The following DRG1 variants were observed in gnomAD, a reference collection of about 807,000 sequenced individuals.
DRG1 encodes the protein developmentally regulated GTP binding protein 1.
A neutral mutation model predicts 38.8 loss-of-function variants in DRG1; 19 were observed. That is an observed-to-expected ratio of 0.49 (90% CI 0.34 to 0.72). DRG1 has a LOEUF of 0.72. Ranked by LOEUF, DRG1 falls within the 30% of genes least tolerant of loss-of-function variation. The pLI is 0.01. For missense variants in DRG1, 299 were observed against 444.8 expected, an observed-to-expected ratio of 0.67 and a Z score of 2.95; for synonymous variants, 167 against 157.5, an observed-to-expected ratio of 1.06 and a Z score of -0.45.
chr22:31,404,248 CTTT>C (rs535637820), intron 3 of DRG1, among the ~76,000 whole-genome samples: 3 of 138,220 alleles, frequency 2.2e-5, no homozygotes, highest in Non-Finnish European at 3.2e-5. Flanking sequence ...CCTTAATCTT[CTTT>C]TTTTTTTTTT....
chr22:31,403,171 T>C lies in DRG1; in HGVS notation c.309T>C (p.Pro103=). 1 of 1,613,436 alleles carries C rather than the reference T, an allele frequency of 6.2e-7. No individual in the cohort carries two copies. The change falls in exon 3 of 9, where the codon CCT becomes CCC. Residue 103 remains proline (P), a synonymous_variant. Transcript: ENST00000331457. ...AYEFTTLTTV[P]GVIRYKGAKI... ...AATTCACTACTCTGACCACTGTGCCTGGTGTCATCAGATACAAAGGTGCCA... is the reference window on the plus strand; with the variant it reads ...AATTCACTACTCTGACCACTGTGCCCGGTGTCATCAGATACAAAGGTGCCA...
chr22:31,433,248 T>C (rs2050151022), intron 8 of DRG1, among the ~76,000 whole-genome samples: 1 of 151,756 alleles, frequency 6.6e-6, no homozygotes, highest in South Asian at 2.1e-4. Flanking sequence ...TTTCAGGGTA[T>C]TTCTCTATGA....
intron 3 of DRG1, among the ~76,000 whole-genome samples, chr22:31,406,691 A>C (rs12169287): frequency 1.3e-5 from 2 of 151,966 alleles, no homozygotes; most frequent in African/African-American, 4.8e-5. Flanking sequence ...AAAAAAAAAA[A>C]GTTGCAAACA....
At chr22:31,422,321 CT>C (rs1320782390) in intron 5 of DRG1, among the ~76,000 whole-genome samples, 1 of 151,706 alleles carries the variant, frequency 6.6e-6, no homozygotes, top group East Asian at 1.9e-4. Context: ...GATCCTGGTA[CT>C]TCGGAGGCTG....
At chr22:31,413,446 T>C (rs1367384980) in intron 4 of DRG1, among the ~76,000 whole-genome samples, 1 of 152,000 alleles carries the variant, frequency 6.6e-6, no homozygotes, top group Non-Finnish European at 1.5e-5. Flanking sequence ...TTTATGTGAT[T>C]TTCTCAGCAT....
At chr22:31,412,705 C>CT (rs963403639) in intron 4 of DRG1, among the ~76,000 whole-genome samples, 22 of 147,352 alleles carry the variant, frequency 1.5e-4, no homozygotes, top group Middle Eastern at 3.2e-3. Flanking sequence ...CTTTTTTTTT[C>CT]TTTTTTTTTG....
intron 3 of DRG1, among the ~76,000 whole-genome samples, chr22:31,408,432 C>T (rs2050001116): frequency 6.6e-6 from 1 of 151,494 alleles, no homozygotes; most frequent in African/African-American, 2.4e-5. Flanking sequence ...GCTTGAGCCA[C>T]CATGCCCAGC....
intron 8 of DRG1, among the ~76,000 whole-genome samples, chr22:31,430,255 G>A (rs1409719162): frequency 2.6e-5 from 4 of 152,144 alleles, no homozygotes; most frequent in East Asian, 3.9e-4. Flanking sequence ...TACATGTATG[G>A]ATACTAATGA....
In DRG1 at chr22:31,434,000, G is replaced by T; in HGVS notation, c.*29G>T. 4 of 1,599,924 alleles carry T rather than the reference G, an allele frequency of 2.5e-6. No homozygotes were observed. The South Asian group carries it at 3.3e-5, about 13-fold the overall frequency. ...CTTTCCCTTTTCCCATCTGCCGGAC[G>T]AACCACAACAGCGTTCCCCATGATC... On this transcript the variant is annotated 3_prime_UTR_variant, in exon 9 of 9. Transcript: ENST00000331457.
chr22:31,429,005 C>T (rs1178548228), intron 8 of DRG1, among the ~76,000 whole-genome samples: 1 of 151,928 alleles, frequency 6.6e-6, no homozygotes, highest in Non-Finnish European at 1.5e-5. Context: ...GGTTTCTCTG[C>T]CGTGAAGGTA....
chr22:31,431,509 A>G (rs2050139560), intron 8 of DRG1, among the ~76,000 whole-genome samples: 1 of 152,112 alleles, frequency 6.6e-6, no homozygotes, highest in Admixed American at 6.6e-5. Context: ...TATCAAAAAT[A>G]AAAAAATTAG....
chr22:31,411,143 G>T, intron 4 of DRG1, 62 bp downstream of exon 4: 1 of 1,561,762 alleles, frequency 6.4e-7, no homozygotes, highest in South Asian at 1.1e-5. Context: ...TATTCTTTTA[G>T]TCAGGGACTA....
At chr22:31,413,904 G>T (rs1024404762) in intron 4 of DRG1, among the ~76,000 whole-genome samples, 2 of 151,704 alleles carry the variant, frequency 1.3e-5, no homozygotes, top group Non-Finnish European at 2.9e-5. Context: ...GTGAGCCACC[G>T]GGCCCTCCCG....
At chr22:31,408,905 TTC>T (rs1452015103) in intron 3 of DRG1, among the ~76,000 whole-genome samples, 2 of 152,120 alleles carry the variant, frequency 1.3e-5, no homozygotes, top group African/African-American at 4.8e-5. Context: ...TTTTGACTGA[TTC>T]TTAAGGGCAG....
At chr22:31,400,894 C>A in intron 2 of DRG1, 151 bp downstream of exon 2, 1 of 911,342 alleles carries the variant, frequency 1.1e-6, no homozygotes, top group Non-Finnish European at 1.6e-6. Flanking sequence ...AGGAGGATCA[C>A]TTGAGGCCAG....
intron 3 of DRG1, among the ~76,000 whole-genome samples, chr22:31,410,369 C>T (rs2050011682): frequency 6.6e-6 from 1 of 151,744 alleles, no homozygotes; most frequent in African/African-American, 2.4e-5. Context: ...GCAGAAGAAT[C>T]GCTTGAACCC....
At chr22:31,399,787 C>G in intron 1 of DRG1, 62 bp downstream of exon 1, 2 of 1,611,440 alleles carry the variant, frequency 1.2e-6, no homozygotes, top group Non-Finnish European at 1.7e-6. Context: ...TGGCGTCGCT[C>G]CTTCCTGTTC....
intron 6 of DRG1, among the ~76,000 whole-genome samples, chr22:31,426,319 A>G (rs2050110204): frequency 6.6e-6 from 1 of 152,150 alleles, no homozygotes. Flanking sequence ...AAACCTGCAT[A>G]TTTGGAGGGC....
rs750679045 is a variant in DRG1 at position 31,420,437 on chromosome 22, AT to A, written c.582+13del. The A allele has an allele frequency of 1.9e-6, 3 of 1,614,102 alleles. No homozygotes were observed. Among genetic ancestry groups the A allele is most frequent in the Non-Finnish European group, 2.5e-6 (3 of 1,179,968 alleles). ...ATCTCACAGCCACTGTAAGTGGGGA[AT>A]ATGACATGGGGCAGGCTGCTGCAGG... On this transcript the variant is annotated intron_variant, in intron 5 of 8. Transcript: ENST00000331457.
Sources: allele counts gnomAD v4.1 joint callset (sites outside exome capture counted in the v4.1 genomes callset), GRCh38; gene constraint gnomAD v4.1.1; transcripts MANE v1.5; gene names NCBI Gene and HGNC (gene_info 2026-07-23, HGNC 2026-07-21).